Variants in ELMO1 observed in about 807,000 individuals in gnomAD.
ELMO1 encodes engulfment and cell motility 1.
A neutral mutation model predicts 98.9 loss-of-function variants in ELMO1; 26 were observed. The observed-to-expected ratio is 0.26, with a 90% confidence interval of 0.19 to 0.36. The LOEUF is 0.36. ELMO1 is among the 10% of genes least tolerant of loss of function. ELMO1 has a pLI of 1.00. For missense variants in ELMO1, 627 were observed against 935.2 expected (o/e 0.67, Z 4.30); for synonymous variants, 346 against 346.0 (o/e 1.00, Z 0.00).
At chr7:36,881,749 G>A (rs924560795) in intron 18 of ELMO1, among the ~76,000 whole-genome samples, 1 of 152,178 alleles carries the variant, frequency 6.6e-6, no homozygotes, top group African/African-American at 2.4e-5. Context: ...TATTCCCAAT[G>A]TCACATAGAT....
In ELMO1 at chr7:37,050,655, C is replaced by CAA. The variant is rs1167799966; in HGVS notation, c.1301-37221_1301-37220insTT. Among the ~76,000 whole-genome samples, 341 of 144,770 alleles carry CAA rather than the reference C, an allele frequency of 2.4e-3. 1 individual carries two copies. The highest frequency in any genetic ancestry group is 8.4e-3 in the African/African-American group (322 of 38,426). 95.0% of individuals were successfully genotyped at this position (144,770 alleles called of 152,430 possible). On this transcript the variant is annotated intron_variant, in intron 15 of 21. Coordinates refer to ENST00000310758, the MANE Select transcript of ELMO1 (RefSeq NM_014800.11). ...ACACACACACACACACACACACACA[C>CAA]ACACAAAAGGTAACTATGTGAAATA...
chr7:36,907,000 A>G (rs925931067), intron 16 of ELMO1, among the ~76,000 whole-genome samples: 2 of 152,194 alleles, frequency 1.3e-5, no homozygotes, highest in Non-Finnish European at 2.9e-5. Context: ...TCGTCTCCCC[A>G]GCAGGACCTT....
intron 3 of ELMO1, among the ~76,000 whole-genome samples, chr7:37,315,336 A>T (rs1346559662): frequency 6.6e-6 from 1 of 152,224 alleles, no homozygotes; most frequent in Non-Finnish European, 1.5e-5. Flanking sequence ...AGTATAGTTG[A>T]TGCAGATTGA....
intron 1 of ELMO1, among the ~76,000 whole-genome samples, chr7:37,382,889 T>C (rs1583660104): frequency 6.6e-6 from 1 of 152,188 alleles, no homozygotes; most frequent in African/African-American, 2.4e-5. Context: ...AATCTGTCTT[T>C]TGTCAATCTA....
chr7:37,099,911 C>T (rs1784554440), intron 14 of ELMO1, among the ~76,000 whole-genome samples: 2 of 151,576 alleles, frequency 1.3e-5, no homozygotes, highest in Admixed American at 1.3e-4. Context: ...CGGCTCGCTG[C>T]AACCTCCGCC....
chr7:36,999,842 T>A (rs1792511823), intron 16 of ELMO1, among the ~76,000 whole-genome samples: 1 of 152,206 alleles, frequency 6.6e-6, no homozygotes, highest in Non-Finnish European at 1.5e-5. Context: ...GAGCAAAGGC[T>A]GAGGCTGCAT....
chr7:36,957,786 C>T (rs914383088), intron 16 of ELMO1, among the ~76,000 whole-genome samples: 2 of 152,162 alleles, frequency 1.3e-5, no homozygotes, highest in African/African-American at 4.8e-5. Context: ...AACAATTGTT[C>T]TGAGAGAAGG....
chr7:37,149,743 C>T (rs978964798), intron 13 of ELMO1, among the ~76,000 whole-genome samples: 11 of 152,132 alleles, frequency 7.2e-5, no homozygotes, highest in East Asian at 3.8e-4. Flanking sequence ...ATCCTCCCAG[C>T]GACCCATGAA....
chr7:37,084,566 ACTC>A (rs1783659607), intron 15 of ELMO1, among the ~76,000 whole-genome samples: 1 of 151,896 alleles, frequency 6.6e-6, no homozygotes, highest in Non-Finnish European at 1.5e-5. Context: ...ACAATAATTC[ACTC>A]CATCTAATAC....
At chr7:37,339,637 A>G (rs1583583818) in intron 2 of ELMO1, among the ~76,000 whole-genome samples, 1 of 152,160 alleles carries the variant, frequency 6.6e-6, no homozygotes, top group Non-Finnish European at 1.5e-5. Context: ...TTCTTGTGCC[A>G]ACTTCTGATT....
chr7:37,399,101 CCT>C (rs1324744953), intron 1 of ELMO1, among the ~76,000 whole-genome samples: 1 of 152,150 alleles, frequency 6.6e-6, no homozygotes, highest in Non-Finnish European at 1.5e-5. Flanking sequence ...CCAGGAGCCA[CCT>C]GGATCCAGAG....
chr7:37,106,399 C>T (rs776084444), intron 14 of ELMO1, among the ~76,000 whole-genome samples: 2 of 152,086 alleles, frequency 1.3e-5, no homozygotes, highest in Non-Finnish European at 2.9e-5. Context: ...TCCCTTCTAC[C>T]ATGAAAGGAC....
intron 16 of ELMO1, among the ~76,000 whole-genome samples, chr7:36,962,613 A>T (rs1789049290): frequency 7.4e-6 from 1 of 135,662 alleles, no homozygotes; most frequent in African/African-American, 2.8e-5. Flanking sequence ...AAACAGAAGG[A>T]GGTGAAAGCT....
At chr7:37,121,099 G>C (rs966793224) in intron 14 of ELMO1, among the ~76,000 whole-genome samples, 7 of 152,126 alleles carry the variant, frequency 4.6e-5, no homozygotes, top group African/African-American at 1.7e-4. Context: ...AAACAGAAAG[G>C]ACATCCACAC....
chr7:37,406,664 G>A (rs1301581511), intron 1 of ELMO1, among the ~76,000 whole-genome samples: 7 of 151,828 alleles, frequency 4.6e-5, no homozygotes, highest in East Asian at 3.9e-4. Flanking sequence ...GGATGGTCTC[G>A]AACTCCTGAC....
At chr7:37,281,401 G>T (rs1047407220) in intron 4 of ELMO1, among the ~76,000 whole-genome samples, 1 of 152,004 alleles carries the variant, frequency 6.6e-6, no homozygotes, top group Non-Finnish European at 1.5e-5. Context: ...GTGTGAGGAA[G>T]AAAAAAACAA....
intron 20 of ELMO1, among the ~76,000 whole-genome samples, chr7:36,866,543 T>C (rs941127301): frequency 6.6e-6 from 1 of 152,184 alleles, no homozygotes; most frequent in African/African-American, 2.4e-5. Flanking sequence ...TTCTTTCTGT[T>C]CTCAGGGCCC....
At chr7:37,289,041 C>T (rs1017560565) in intron 4 of ELMO1, among the ~76,000 whole-genome samples, 1 of 152,108 alleles carries the variant, frequency 6.6e-6, no homozygotes, top group Admixed American at 6.6e-5. Flanking sequence ...TGTCAGTTTC[C>T]ACACCCAAAA....
chr7:37,379,666 G>T (rs183413717), intron 1 of ELMO1, among the ~76,000 whole-genome samples: 163 of 152,290 alleles, frequency 1.1e-3, no homozygotes, highest in Non-Finnish European at 1.7e-3. Flanking sequence ...AGAAAAGAAA[G>T]ATTTTTATGT....
Sources: gnomAD v4.1 joint callset for allele counts (sites outside exome capture counted in the v4.1 genomes callset) on GRCh38, gnomAD v4.1.1 for gene constraint, MANE v1.5 for transcripts, NCBI Gene and HGNC (gene_info 2026-07-23, HGNC 2026-07-21) for gene names.